The following MBOAT1 variants were observed in gnomAD, a reference collection of about 807,000 sequenced individuals.
MBOAT1 encodes membrane bound glycerophospholipid O-acyltransferase 1, also known as membrane-bound glycerophospholipid O-acyltransferase 1.
A neutral mutation model predicts 64.4 loss-of-function variants in MBOAT1; 67 were observed. That is an observed-to-expected ratio of 1.04 (90% confidence interval 0.85 to 1.27). The LOEUF (loss-of-function observed/expected upper bound fraction) is 1.27, where lower values mean the gene tolerates loss of function less well. Ranked by LOEUF, MBOAT1 falls within the 50% of genes most tolerant of loss-of-function variation. The probability of loss-of-function intolerance (pLI) is 0.00; values close to 1 mark genes in which losing one functional copy is unlikely to be tolerated. For synonymous variants in MBOAT1, 229 were observed against 218.9 expected (o/e 1.05, Z -0.41); for missense variants, 563 against 604.6 (o/e 0.93, Z 0.72).
In MBOAT1 at chr6:20,155,825, C is replaced by A. The variant is rs780613629; in HGVS notation, c.100-3056G>T. 7.9e-5 allele frequency among the ~76,000 whole-genome samples: 12 copies of A among 152,198 alleles called. 1 individual carries two copies. Among genetic ancestry groups the A allele is most frequent in the South Asian group, 6.2e-4 (3 of 4,830 alleles). ...CCACCAAATAACCTCTAAGTAAGAG[C>A]TATTCACTTTAACTCATCAAATATT... is the stretch of plus-strand genomic sequence containing the variant. On this transcript the variant is annotated intron_variant, in intron 1 of 12. Transcript: ENST00000324607.
chr6:20,200,469 C>A (rs1310565787), intron 1 of MBOAT1, among the ~76,000 whole-genome samples: 3 of 152,144 alleles, frequency 2.0e-5, no homozygotes, highest in African/African-American at 7.2e-5. Flanking sequence ...ATGGGGATAT[C>A]AAGAATTCTG....
At chr6:20,158,247 G>A (rs1241431879) in intron 1 of MBOAT1, among the ~76,000 whole-genome samples, 1 of 151,822 alleles carries the variant, frequency 6.6e-6, no homozygotes, top group Non-Finnish European at 1.5e-5. Flanking sequence ...AACAGAATAG[G>A]ACAGAGAGTC....
chr6:20,109,581 G>C lies in MBOAT1; in HGVS notation c.1361+17C>G. 1 of 1,602,410 alleles carries C rather than the reference G, an allele frequency of 6.2e-7. No homozygotes were observed. The highest frequency in any genetic ancestry group is 1.1e-5 in the South Asian group (1 of 90,112). On this transcript the variant is annotated intron_variant, in intron 12 of 12. Coordinates refer to ENST00000324607, the MANE Select transcript of MBOAT1 (RefSeq NM_001080480.3). ...GAGTCATTTACGAGATGGCAACTGA[G>C]AACAACGGAAACTTACTTGTATAAG...
chr6:20,204,518 G>C (rs946124767), intron 1 of MBOAT1, among the ~76,000 whole-genome samples: 1 of 152,112 alleles, frequency 6.6e-6, no homozygotes, highest in Non-Finnish European at 1.5e-5. Context: ...TGGATAGGAC[G>C]CTATGGAGAA....
At chr6:20,159,069 G>A (rs1247057179) in intron 1 of MBOAT1, among the ~76,000 whole-genome samples, 1 of 152,100 alleles carries the variant, frequency 6.6e-6, no homozygotes, top group Non-Finnish European at 1.5e-5. Context: ...ACACTTTTGG[G>A]TATATGCCCG....
rs540307921 is a variant in MBOAT1, at chr6:20,195,594, A to C, written c.99+16542T>G. Among the ~76,000 whole-genome samples the C allele has an allele frequency of 3.8e-5, 5 of 131,998 alleles. 1 individual carries two copies. Among genetic ancestry groups the C allele is most frequent in the Non-Finnish European group, 8.2e-5 (5 of 60,912 alleles). The allele number at this position is 131,998 out of a possible 152,430, so 86.6% of individuals were successfully genotyped here. On this transcript the variant is annotated intron_variant, in intron 1 of 12. Coordinates refer to ENST00000324607, the MANE Select transcript of MBOAT1 (RefSeq NM_001080480.3). ...CTTGTAGACCTCTCAGCTGACAGGA[A>C]AATAAATTGCCTGTGTGTGTGTGTG...
At chr6:20,207,130 C>CAGT (rs1400474866) in intron 1 of MBOAT1, among the ~76,000 whole-genome samples, 5 of 152,198 alleles carry the variant, frequency 3.3e-5, no homozygotes, top group Non-Finnish European at 5.9e-5. Flanking sequence ...GTATACTTGA[C>CAGT]AGTAGGTTGA....
At chr6:20,148,391 C>G (rs904220658) in intron 3 of MBOAT1, among the ~76,000 whole-genome samples, 3 of 152,088 alleles carry the variant, frequency 2.0e-5, no homozygotes, top group Non-Finnish European at 4.4e-5. Context: ...GCACTATAGC[C>G]TGGGCAACAG....
rs183815508 is a variant in MBOAT1 at position 20,148,649 on chromosome 6, A to G, written c.323+2536T>C. On this transcript the variant is annotated intron_variant, in intron 3 of 12. Transcript: ENST00000324607. ...GAAGTTGCATGACCAGTCCAAATTC[A>G]CACTACTAGGAGGATCTTGATTTCC... Among the ~76,000 whole-genome samples the G allele has an allele frequency of 1.6e-4, 25 of 152,352 alleles. No individual in the cohort carries two copies. The East Asian group carries it at 4.0e-3, about 25-fold the overall frequency.
chr6:20,143,321 C>G (rs688991), intron 4 of MBOAT1, among the ~76,000 whole-genome samples: 125,881 of 152,154 alleles, frequency 0.83, 54,042 homozygotes, highest in South Asian at 0.96. Context: ...AATCAGAATG[C>G]GTGGCCCACC....
chr6:20,156,085 G>C (rs546562322), intron 1 of MBOAT1, among the ~76,000 whole-genome samples: 1 of 151,864 alleles, frequency 6.6e-6, no homozygotes, highest in African/African-American at 2.4e-5. Flanking sequence ...TGGCTAACAC[G>C]GTGAAACCCC....
At chr6:20,204,034 A>C (rs1763191641) in intron 1 of MBOAT1, among the ~76,000 whole-genome samples, 1 of 152,228 alleles carries the variant, frequency 6.6e-6, no homozygotes, top group African/African-American at 2.4e-5. Flanking sequence ...AATCACTAAT[A>C]AAAGACAATT....
intron 1 of MBOAT1, among the ~76,000 whole-genome samples, chr6:20,154,091 A>G (rs1761605987): frequency 6.6e-6 from 1 of 152,190 alleles, no homozygotes; most frequent in Non-Finnish European, 1.5e-5. Context: ...CTGATAACAA[A>G]ACTCATTACG....
chr6:20,210,170 T>C (rs1401179582), intron 1 of MBOAT1, among the ~76,000 whole-genome samples: 1 of 152,140 alleles, frequency 6.6e-6, no homozygotes, highest in East Asian at 1.9e-4. Flanking sequence ...CCTCAAAAGG[T>C]AGGTCTTATT....
intron 3 of MBOAT1, among the ~76,000 whole-genome samples, chr6:20,146,894 A>G (rs1297874890): frequency 6.6e-6 from 1 of 152,138 alleles, no homozygotes; most frequent in Non-Finnish European, 1.5e-5. Flanking sequence ...AGACTGACTG[A>G]TACGGTTTGG....
chr6:20,160,424 C>A (rs1761815855), intron 1 of MBOAT1, among the ~76,000 whole-genome samples: 1 of 152,170 alleles, frequency 6.6e-6, no homozygotes, highest in Non-Finnish European at 1.5e-5. Context: ...AGGCAACTGT[C>A]CAGGCCTGGA....
At chr6:20,211,342 C>A (rs181832040) in intron 1 of MBOAT1, among the ~76,000 whole-genome samples, 43 of 152,324 alleles carry the variant, frequency 2.8e-4, no homozygotes, top group African/African-American at 1.0e-3. Flanking sequence ...CTATTTAAAT[C>A]AACATTTACT....
chr6:20,195,954 T>C (rs1762943739), intron 1 of MBOAT1, among the ~76,000 whole-genome samples: 1 of 151,980 alleles, frequency 6.6e-6, no homozygotes, highest in Non-Finnish European at 1.5e-5. Flanking sequence ...TGCATAAAGC[T>C]AAGATTTATC....
intron 5 of MBOAT1, among the ~76,000 whole-genome samples, chr6:20,129,576 C>T (rs1346851932): frequency 2.0e-5 from 3 of 147,584 alleles, no homozygotes; most frequent in Admixed American, 6.7e-5. Flanking sequence ...AAAAAAAAGG[C>T]GAGTAAACAT....
Sources: allele counts gnomAD v4.1 joint callset (sites outside exome capture counted in the v4.1 genomes callset), GRCh38; gene constraint gnomAD v4.1.1; transcripts MANE v1.5; gene names NCBI Gene and HGNC (gene_info 2026-07-23, HGNC 2026-07-21).